ARL15: variants seen among roughly 807,000 people sequenced by gnomAD.
The protein encoded by ARL15 is ADP-ribosylation factor-like protein 15.
Under a neutral mutation model 25.2 loss-of-function variants are expected in ARL15, and 19 were observed. That is an observed-to-expected ratio of 0.75 (90% CI 0.53 to 1.10). ARL15 has a LOEUF of 1.10. Among genes scored for constraint, ARL15 ranks in the 50% least tolerant of loss-of-function variants. The pLI is 0.00. For missense variants in ARL15, 220 were observed against 246.0 expected, an observed-to-expected ratio of 0.89 and a Z score of 0.71; for synonymous variants, 94 against 86.8, an observed-to-expected ratio of 1.08 and a Z score of -0.46.
intron 1 of ARL15, among the ~76,000 whole-genome samples, chr5:54,231,003 A>C (rs1256934179): frequency 6.6e-6 from 1 of 151,626 alleles, no homozygotes. Flanking sequence ...CTAGATCAGT[A>C]GCCCATTTCT....
intron 1 of ARL15, among the ~76,000 whole-genome samples, chr5:54,225,782 A>C (rs1756502111): frequency 6.6e-6 from 1 of 152,112 alleles, no homozygotes; most frequent in Admixed American, 6.6e-5. Context: ...ATCGGGAAGC[A>C]AGTGTGAGAA....
intron 4 of ARL15, among the ~76,000 whole-genome samples, chr5:53,957,350 T>G (rs1457830728): frequency 1.3e-5 from 2 of 152,014 alleles, no homozygotes; most frequent in Non-Finnish European, 2.9e-5. Flanking sequence ...ACCAAGAATT[T>G]CATATATGAC....
intron 4 of ARL15, among the ~76,000 whole-genome samples, chr5:53,953,273 T>G (rs974220434): frequency 8.5e-5 from 13 of 152,180 alleles, no homozygotes; most frequent in Non-Finnish European, 1.6e-4. Flanking sequence ...ATAAATGAGA[T>G]TCTACCTACC....
intron 1 of ARL15, among the ~76,000 whole-genome samples, chr5:54,224,076 C>T (rs765714782): frequency 6.6e-6 from 1 of 152,132 alleles, no homozygotes; most frequent in Non-Finnish European, 1.5e-5. Context: ...CCATACAACG[C>T]AGGGACACAA....
At chr5:54,122,788 A>T (rs1051292102) in intron 3 of ARL15, among the ~76,000 whole-genome samples, 1 of 152,214 alleles carries the variant, frequency 6.6e-6, no homozygotes, top group African/African-American at 2.4e-5. Context: ...TAATTCTTGT[A>T]ACTGTTTATA....
intron 3 of ARL15, among the ~76,000 whole-genome samples, chr5:54,150,703 C>G (rs1716805028): frequency 6.6e-6 from 1 of 151,974 alleles, no homozygotes; most frequent in Non-Finnish European, 1.5e-5. Context: ...GAGGCTGAGG[C>G]AGGAGAATTA....
intron 1 of ARL15, among the ~76,000 whole-genome samples, chr5:54,230,610 G>C (rs1756644814): frequency 6.6e-6 from 1 of 152,016 alleles, no homozygotes; most frequent in South Asian, 2.1e-4. Context: ...CACTTTCCCA[G>C]CCAGCTGGAC....
rs572522153 is a variant in ARL15 at position 54,119,825 on chromosome 5, G to A, written c.254-6415C>T. 3.5e-4 allele frequency among the ~76,000 whole-genome samples: 53 copies of A among 152,156 alleles called. 1 individual carries two copies. The South Asian group carries it at 8.7e-3, about 25-fold the overall frequency. ...CTTGTAAATTCAAACCACTACATGC[G>A]CTTCAGGGGCCAGATCAAATGTTGC... On this transcript the variant is annotated intron_variant, in intron 3 of 4. Coordinates refer to ENST00000504924, the MANE Select transcript of ARL15 (RefSeq NM_019087.3).
chr5:54,226,562 G>A (rs1472892850), intron 1 of ARL15, among the ~76,000 whole-genome samples: 1 of 151,898 alleles, frequency 6.6e-6, no homozygotes, highest in Non-Finnish European at 1.5e-5. Flanking sequence ...AGAAAATGGA[G>A]GAAACAGAAA....
chr5:53,982,032 G>T (rs749639786), intron 4 of ARL15, among the ~76,000 whole-genome samples: 1 of 152,138 alleles, frequency 6.6e-6, no homozygotes, highest in Non-Finnish European at 1.5e-5. Context: ...CGGAATCTTG[G>T]AACCAAGAGA....
intron 2 of ARL15, among the ~76,000 whole-genome samples, chr5:54,157,004 T>C (rs1386995603): frequency 6.6e-6 from 1 of 152,206 alleles, no homozygotes; most frequent in Non-Finnish European, 1.5e-5. Context: ...ACGGGTGTTA[T>C]ATGGATTAAA....
intron 4 of ARL15, among the ~76,000 whole-genome samples, chr5:54,100,264 A>G (rs1333080736): frequency 6.6e-6 from 1 of 152,158 alleles, no homozygotes; most frequent in African/African-American, 2.4e-5. Flanking sequence ...TGGGAAAGAT[A>G]CACACCAACT....
chr5:54,060,027 A>C (rs1039068058), intron 4 of ARL15, among the ~76,000 whole-genome samples: 4 of 151,054 alleles, frequency 2.6e-5, no homozygotes, highest in Non-Finnish European at 5.9e-5. Flanking sequence ...GTCCCCACCC[A>C]AATCTCATCC....
chr5:53,891,448 G>T (rs1744705058), intron 4 of ARL15, among the ~76,000 whole-genome samples: 1 of 152,120 alleles, frequency 6.6e-6, no homozygotes, highest in African/African-American at 2.4e-5. Flanking sequence ...TAGATGCCAT[G>T]GGCAACAACC....
At chr5:53,959,779 C>T (rs1018426110) in intron 4 of ARL15, among the ~76,000 whole-genome samples, 3 of 152,178 alleles carry the variant, frequency 2.0e-5, no homozygotes, top group African/African-American at 4.8e-5. Flanking sequence ...CTCCTCCCTC[C>T]TCACTCCCTG....
intron 2 of ARL15, among the ~76,000 whole-genome samples, chr5:54,156,118 T>A (rs953345675): frequency 1.3e-5 from 2 of 152,182 alleles, no homozygotes; most frequent in Non-Finnish European, 2.9e-5. Context: ...AAGAAGGAAA[T>A]CATTACACAC....
At chr5:53,985,438 T>G (rs1245931048) in intron 4 of ARL15, among the ~76,000 whole-genome samples, 2 of 152,296 alleles carry the variant, frequency 1.3e-5, no homozygotes, top group African/African-American at 2.4e-5. Flanking sequence ...AAACTGAAAC[T>G]CTTATGCATA....
chr5:54,300,865 T>C lies in ARL15; in HGVS notation c.48+9567A>G, dbSNP rs370264445. Among the ~76,000 whole-genome samples, 5 of 152,306 alleles carry C rather than the reference T, an allele frequency of 3.3e-5. No homozygotes were observed. The South Asian group carries it at 1.0e-3, about 32-fold the overall frequency. The stretch of plus-strand genomic sequence containing the variant: ...TGACCATGTCATTGCAGGCAAACTT[T>C]CAGAGTTTCCATGACCCTAGCTGGG... On this transcript the variant is annotated intron_variant, in intron 1 of 4. Coordinates refer to ENST00000504924, the MANE Select transcript of ARL15 (RefSeq NM_019087.3).
At chr5:54,072,237 G>A (rs937730553) in intron 4 of ARL15, among the ~76,000 whole-genome samples, 19 of 152,214 alleles carry the variant, frequency 1.2e-4, no homozygotes, top group African/African-American at 4.6e-4. Context: ...CCCATCATCA[G>A]TCCTACCATC....
Sources: allele counts gnomAD v4.1 joint callset (sites outside exome capture counted in the v4.1 genomes callset), GRCh38; gene constraint gnomAD v4.1.1; transcripts MANE v1.5; gene names NCBI Gene and HGNC (gene_info 2026-07-23, HGNC 2026-07-21).